FSTL5: variants seen among roughly 807,000 people sequenced by gnomAD.
The protein encoded by FSTL5 is follistatin like 5.
Under a neutral mutation model 89.1 loss-of-function variants are expected in FSTL5, and 62 were observed. The ratio of observed to expected loss-of-function variants is 0.70; its 90% CI spans 0.57 to 0.86. The LOEUF is 0.86. FSTL5 is among the 40% of genes least tolerant of loss of function. The pLI is 0.00. For missense variants in FSTL5, 1,057 were observed against 1,001.6 expected, an observed-to-expected ratio of 1.06 and a Z score of -0.75; for synonymous variants, 383 against 346.2, an observed-to-expected ratio of 1.11 and a Z score of -1.18.
intron 10 of FSTL5, among the ~76,000 whole-genome samples, chr4:161,515,489 A>G (rs1056944095): frequency 3.3e-4 from 50 of 151,958 alleles, no homozygotes; most frequent in African/African-American, 1.2e-3. Flanking sequence ...TTACAAGCAT[A>G]TAATGCATTT....
At chr4:161,758,324 C>A (rs1324804572) in intron 6 of FSTL5, among the ~76,000 whole-genome samples, 1 of 151,860 alleles carries the variant, frequency 6.6e-6, no homozygotes, top group Non-Finnish European at 1.5e-5. Context: ...TACTTCCTAT[C>A]TTTTCTGAAA....
At chr4:161,600,158 AACAC>A (rs71598717) in intron 7 of FSTL5, among the ~76,000 whole-genome samples, 4,346 of 141,946 alleles carry the variant, frequency 0.031, 89 homozygotes, top group Middle Eastern at 0.058. Context: ...AATGTCAATA[AACAC>A]ACACACACAC....
intron 7 of FSTL5, among the ~76,000 whole-genome samples, chr4:161,591,803 A>G (rs1050677979): frequency 2.0e-5 from 3 of 152,168 alleles, no homozygotes; most frequent in Non-Finnish European, 4.4e-5. Flanking sequence ...CATTTCATCT[A>G]TATACTAAAC....
Position 161,538,296 on chromosome 4 carries a change from AT to A in FSTL5, c.1181del (p.Asn394MetfsTer7), listed in dbSNP as rs769917994. 6.2e-7 allele frequency: 1 copy of A among 1,613,758 alleles called. No homozygotes were observed. Among genetic ancestry groups the A allele is most frequent in the Non-Finnish European group, 8.5e-7 (1 of 1,179,786 alleles). On this transcript the variant is annotated frameshift_variant, in exon 10 of 16. Transcript: ENST00000306100. LOFTEE classifies it high-confidence loss of function. ...CATTGCTTATGTGAACCTCACTGCC[AT>A]TTGCTGAAAAAAGAAGGGAAATGCA... ...KLSKQLTLQANGSEVHISNVR... is the reference protein window; with the variant it reads ...KLSKQLTLQAXGSEVHISNVR...
chr4:161,537,809 G>A (rs967741835), intron 10 of FSTL5, among the ~76,000 whole-genome samples: 4 of 152,084 alleles, frequency 2.6e-5, no homozygotes, highest in African/African-American at 9.7e-5. Flanking sequence ...ATTCTACCTA[G>A]AAGATACACA....
At chr4:161,846,477 A>G (rs1731373645) in intron 4 of FSTL5, among the ~76,000 whole-genome samples, 1 of 152,118 alleles carries the variant, frequency 6.6e-6, no homozygotes, top group African/African-American at 2.4e-5. Context: ...TTTTACAGGT[A>G]CCTAAATGTT....
chr4:161,869,672 A>G (rs2163493), intron 4 of FSTL5, among the ~76,000 whole-genome samples: 130,306 of 152,188 alleles, frequency 0.86, 56,958 homozygotes, highest in East Asian at 0.98. Flanking sequence ...GTGCATAGGA[A>G]AGCCCTCCAG....
intron 4 of FSTL5, among the ~76,000 whole-genome samples, chr4:161,801,244 A>G (rs1226949161): frequency 6.6e-6 from 1 of 151,582 alleles, no homozygotes; most frequent in Non-Finnish European, 1.5e-5. Context: ...AAAACTGCAT[A>G]TTTCCTATAT....
chr4:161,425,285 A>G (rs1445035986), intron 15 of FSTL5, among the ~76,000 whole-genome samples: 1 of 152,214 alleles, frequency 6.6e-6, no homozygotes, highest in Admixed American at 6.5e-5. Context: ...ATATATATAT[A>G]TCTCCAGAAA....
chr4:161,588,796 C>T (rs1170875491), intron 7 of FSTL5, among the ~76,000 whole-genome samples: 1 of 152,078 alleles, frequency 6.6e-6, no homozygotes, highest in Admixed American at 6.6e-5. Flanking sequence ...TAAAACTATG[C>T]CAGCTATGAA....
intron 3 of FSTL5, among the ~76,000 whole-genome samples, chr4:161,931,211 C>T (rs1198288250): frequency 6.6e-6 from 1 of 151,706 alleles, no homozygotes; most frequent in Non-Finnish European, 1.5e-5. Flanking sequence ...TAGCCTTGCA[C>T]AATATGTTTA....
chr4:161,519,709 T>C lies in FSTL5; in HGVS notation c.1313-9285A>G, dbSNP rs184852953. ...CAATTCTTCACACAAATGAGTGTGA[T>C]TTTTTACATAATAAATGATAAACAG... On this transcript the variant is annotated intron_variant, in intron 10 of 15. Coordinates refer to ENST00000306100, the MANE Select transcript of FSTL5 (RefSeq NM_020116.5). 8.5e-5 allele frequency among the ~76,000 whole-genome samples: 13 copies of C among 152,286 alleles called. No individual in the cohort carries two copies. The East Asian group carries it at 2.3e-3, about 27-fold the overall frequency.
chr4:162,046,548 T>C (rs185297598), intron 2 of FSTL5, among the ~76,000 whole-genome samples: 100 of 152,180 alleles, frequency 6.6e-4, no homozygotes, highest in African/African-American at 2.2e-3. Context: ...CAAGAAAGTT[T>C]TCTCCTGGTT....
At chr4:161,974,996 GA>G (rs1482550651) in intron 3 of FSTL5, among the ~76,000 whole-genome samples, 112 of 136,186 alleles carry the variant, frequency 8.2e-4, no homozygotes, top group African/African-American at 3.0e-3. Context: ...AAAAACACAT[GA>G]AAAAATGCTC....
chr4:161,996,717 G>A (rs1209404607), intron 3 of FSTL5, among the ~76,000 whole-genome samples: 1 of 152,182 alleles, frequency 6.6e-6, no homozygotes, highest in Non-Finnish European at 1.5e-5. Flanking sequence ...TGGCCCAGTG[G>A]ACTGTTTGAT....
rs184443622 is a variant in FSTL5 at position 161,912,816 on chromosome 4, T to C, written c.409+7588A>G. Among the ~76,000 whole-genome samples, 1,186 of 152,286 alleles carry C rather than the reference T, an allele frequency of 7.8e-3. 10 individuals are homozygous for C. The highest frequency in any genetic ancestry group is 8.9e-3 in the Non-Finnish European group (606 of 68,032). Reference sequence around the variant, plus strand: ...AAGTTTGGAAACTCCTAGCGACTTCTTGAATGGCTTGGACAAAAATGGTGA... The same window carrying C: ...AAGTTTGGAAACTCCTAGCGACTTCCTGAATGGCTTGGACAAAAATGGTGA... On this transcript the variant is annotated intron_variant, in intron 4 of 15. Transcript: ENST00000306100.
At chr4:161,770,557 T>A (rs1042435484) in intron 5 of FSTL5, among the ~76,000 whole-genome samples, 1 of 151,934 alleles carries the variant, frequency 6.6e-6, no homozygotes, top group African/African-American at 2.4e-5. Context: ...TCTGAGGACT[T>A]ACAGATGTTT....
At chr4:161,719,485 T>G (rs75082978) in intron 6 of FSTL5, among the ~76,000 whole-genome samples, 1 of 152,288 alleles carries the variant, frequency 6.6e-6, no homozygotes, top group African/African-American at 2.4e-5. Context: ...TTTAGGAAAT[T>G]TTTAGAATAG....
intron 3 of FSTL5, among the ~76,000 whole-genome samples, chr4:162,001,943 C>T (rs1736476725): frequency 6.6e-6 from 1 of 152,082 alleles, no homozygotes; most frequent in Admixed American, 6.5e-5. Flanking sequence ...AAAACCTAGT[C>T]CTAAATAATA....
Sources: allele counts gnomAD v4.1 joint callset (sites outside exome capture counted in the v4.1 genomes callset), GRCh38; gene constraint gnomAD v4.1.1; transcripts MANE v1.5; gene names NCBI Gene and HGNC (gene_info 2026-07-23, HGNC 2026-07-21).